Variants in LRP12 observed in about 807,000 individuals in gnomAD.
The protein encoded by LRP12 is LDL receptor related protein 12.
Under a neutral mutation model 66.0 loss-of-function variants are expected in LRP12, and 14 were observed. The ratio of observed to expected loss-of-function variants is 0.21; its 90% CI spans 0.14 to 0.33. LRP12 has a LOEUF of 0.33. Ranked by LOEUF, LRP12 falls within the 10% of genes least tolerant of loss-of-function variation. LRP12 has a pLI of 1.00. For synonymous variants in LRP12, 357 were observed against 359.1 expected (o/e 0.99, Z 0.07); for missense variants, 889 against 1,053.4 (o/e 0.84, Z 2.16).
In LRP12 at chr8:104,588,961, A is replaced by ACGACGCCGACGC. The variant is rs770846647; in HGVS notation, c.-76_-65dup. On this transcript the variant is annotated 5_prime_UTR_variant, in exon 1 of 7. Coordinates refer to ENST00000276654, the MANE Select transcript of LRP12 (RefSeq NM_013437.5). ...AGGAGGGAGGAGAAGCTGGAGGTAG[A>ACGACGCCGACGC]CGACGCCGACGCCGCCGCCGCCGCC... 36 of 972,292 alleles carry ACGACGCCGACGC rather than the reference A, an allele frequency of 3.7e-5. 1 individual carries two copies. The highest frequency in any genetic ancestry group is 5.0e-5 in the Non-Finnish European group (35 of 705,124). 60.2% of individuals were successfully genotyped at this position (972,292 alleles called of 1,614,324 possible). A position where few individuals can be genotyped will look rare whatever the true frequency, so the allele number is the denominator to read the frequency against.
At chr8:104,536,277 A>G (rs1811391460) in intron 1 of LRP12, among the ~76,000 whole-genome samples, 1 of 152,100 alleles carries the variant, frequency 6.6e-6, no homozygotes, top group Admixed American at 6.6e-5. Flanking sequence ...GATTTTCATT[A>G]AACATTATTT....
At position 104,542,544 on chromosome 8, in the gene LRP12, T is replaced by G. The variant is rs188719278; in HGVS notation, c.80-10581A>C. Among the ~76,000 whole-genome samples, 27 of 152,312 alleles carry G rather than the reference T, an allele frequency of 1.8e-4. No homozygotes were observed. In the East Asian group the frequency reaches 4.8e-3, roughly 27 times the overall value. On this transcript the variant is annotated intron_variant, in intron 1 of 6. Coordinates refer to ENST00000276654, the MANE Select transcript of LRP12 (RefSeq NM_013437.5). ...CTATGTCTTCTTTTGATGCTTGTGC[T>G]TTGGTCACAATTTATAATTATACAG... is the stretch of plus-strand genomic sequence containing the variant.
At chr8:104,561,504 T>C (rs1214224087) in intron 1 of LRP12, among the ~76,000 whole-genome samples, 1 of 152,226 alleles carries the variant, frequency 6.6e-6, no homozygotes, top group Non-Finnish European at 1.5e-5. Flanking sequence ...ATCCTGTCAT[T>C]ACTTCCACAT....
At chr8:104,531,266 CTG>C (rs1412600449) in intron 2 of LRP12, among the ~76,000 whole-genome samples, 9 of 152,084 alleles carry the variant, frequency 5.9e-5, no homozygotes, top group Admixed American at 6.6e-5. Context: ...CTCCTAGTAA[CTG>C]TGGTTGACAG....
chr8:104,526,716 A>G (rs1194642434), intron 2 of LRP12, among the ~76,000 whole-genome samples: 1 of 148,760 alleles, frequency 6.7e-6, no homozygotes, highest in Non-Finnish European at 1.5e-5. Flanking sequence ...TTAGACCTAA[A>G]ACCAGAAAAA....
At chr8:104,554,897 G>A (rs1036654159) in intron 1 of LRP12, among the ~76,000 whole-genome samples, 1 of 152,148 alleles carries the variant, frequency 6.6e-6, no homozygotes, top group African/African-American at 2.4e-5. Context: ...AACCTATAAA[G>A]TAAAACCTAT....
chr8:104,495,153 G>C lies in LRP12; in HGVS notation c.1637C>G (p.Pro546Arg). ...AGCAATCAATTGTCCATACGAGGGA[G>C]GAGCTTCTCTTCTTAACAATTCTGC... is the stretch of plus-strand genomic sequence containing the variant. ...VEAELLRREAPPSYGQLIAQG... is the reference protein window; with the variant it reads ...VEAELLRREARPSYGQLIAQG... The change falls in exon 6 of 7, where the codon CCT (proline) becomes CGT (arginine). Residue 546 changes from proline (P) to arginine (R), a missense_variant. Physicochemically the swap from Pro to Arg is moderately radical, Grantham distance 103. This residue lies in a region of LRP12 where 800 missense variants were observed against 964.5 expected (regional missense o/e 0.83). Coordinates refer to ENST00000276654, the MANE Select transcript of LRP12 (RefSeq NM_013437.5). 1 of 1,613,700 alleles carries C rather than the reference G, an allele frequency of 6.2e-7. No homozygotes were observed. Among genetic ancestry groups the C allele is most frequent in the Non-Finnish European group, 8.5e-7 (1 of 1,179,674 alleles).
At chr8:104,529,622 T>A (rs1038505901) in intron 2 of LRP12, among the ~76,000 whole-genome samples, 1 of 152,206 alleles carries the variant, frequency 6.6e-6, no homozygotes, top group Admixed American at 6.5e-5. Context: ...TTTCCAAATT[T>A]TCATAAGTTC....
chr8:104,583,773 CAAAA>C (rs757757711), intron 1 of LRP12, among the ~76,000 whole-genome samples: 1 of 151,986 alleles, frequency 6.6e-6, no homozygotes, highest in Non-Finnish European at 1.5e-5. Context: ...TTCCATAAAA[CAAAA>C]GAAAGAGTAC....
chr8:104,558,403 A>T (rs562286504), intron 1 of LRP12, among the ~76,000 whole-genome samples: 1 of 152,218 alleles, frequency 6.6e-6, no homozygotes, highest in East Asian at 1.9e-4. Context: ...GGGAGGTCAC[A>T]TGTAGAAGAA....
chr8:104,580,638 C>T (rs1812236304), intron 1 of LRP12, among the ~76,000 whole-genome samples: 1 of 152,024 alleles, frequency 6.6e-6, no homozygotes, highest in African/African-American at 2.4e-5. Context: ...GACATGAACA[C>T]TTTTCAAAAA....
At chr8:104,521,333 TATAAC>T (rs998001720) in intron 2 of LRP12, among the ~76,000 whole-genome samples, 69 of 151,654 alleles carry the variant, frequency 4.5e-4, no homozygotes, top group African/African-American at 1.6e-3. Flanking sequence ...AACATAAAAA[TATAAC>T]ATAATTATTT....
At chr8:104,518,472 TG>T (rs1811103225) in intron 2 of LRP12, among the ~76,000 whole-genome samples, 1 of 151,954 alleles carries the variant, frequency 6.6e-6, no homozygotes, top group African/African-American at 2.4e-5. Context: ...CTATAACATC[TG>T]GAAAAATTAC....
chr8:104,552,885 T>G lies in LRP12; in HGVS notation c.80-20922A>C, dbSNP rs1811749819. 3.3e-5 allele frequency among the ~76,000 whole-genome samples: 5 copies of G among 152,184 alleles called. No individual in the cohort carries two copies. In the South Asian group the frequency reaches 8.3e-4, roughly 25 times the overall value. ...TCCTTTGAATGAAGCTGCTTGCTGC[T>G]GCAGGCTCTGTGAGATAGCCAAAAA... On this transcript the variant is annotated intron_variant, in intron 1 of 6. Coordinates refer to ENST00000276654, the MANE Select transcript of LRP12 (RefSeq NM_013437.5).
intron 1 of LRP12, among the ~76,000 whole-genome samples, chr8:104,532,980 C>A (rs1811347682): frequency 6.6e-6 from 1 of 152,064 alleles, no homozygotes; most frequent in African/African-American, 2.4e-5. Flanking sequence ...TAGCATTGAA[C>A]AGGTGTTGAT....
chr8:104,490,183 G>C lies in LRP12; in HGVS notation c.*490C>G, dbSNP rs1281272139. 1 of 151,650 alleles carries C rather than the reference G, an allele frequency of 6.6e-6. No individual in the cohort carries two copies. The highest frequency in any genetic ancestry group is 2.4e-5 in the African/African-American group (1 of 41,190). The allele number at this position is 151,650 out of a possible 1,614,324, so 9.4% of individuals were successfully genotyped here. On this transcript the variant is annotated 3_prime_UTR_variant, in exon 7 of 7. Transcript: ENST00000276654. ...CATATGATAATGAAATCCAATAATA[G>C]ACAAATGTCAAACAAATGAAAACGC...
Position 104,496,994 on chromosome 8 carries a change from A to G in LRP12, c.1558T>C (p.Ser520Pro). 1.3e-6 allele frequency: 2 copies of G among 1,534,380 alleles called. No homozygotes were observed. Among genetic ancestry groups the G allele is most frequent in the Non-Finnish European group, 8.8e-7 (1 of 1,141,728 alleles). The part of the protein sequence containing the change: ...IALGCTCKLY[S>P]LRMFERRSFE... ...GACCTTCTTTCAAACATTCTCAGAG[A>G]ATAAAGCTTACAAGTACATCCCAAT... The change falls in exon 5 of 7, where the codon TCT becomes CCT. Residue 520 changes from serine (S) to proline (P), a missense_variant. This residue lies in a region of LRP12 where 800 missense variants were observed against 964.5 expected (regional missense o/e 0.83). Coordinates refer to ENST00000276654, the MANE Select transcript of LRP12 (RefSeq NM_013437.5).
intron 1 of LRP12, among the ~76,000 whole-genome samples, chr8:104,562,585 A>G (rs927249405): frequency 1.3e-5 from 2 of 152,154 alleles, no homozygotes; most frequent in African/African-American, 4.8e-5. Context: ...TCTTTATTGA[A>G]TATTTGATAA....
chr8:104,528,467 T>C (rs987402726), intron 2 of LRP12, among the ~76,000 whole-genome samples: 11 of 152,098 alleles, frequency 7.2e-5, no homozygotes, highest in Non-Finnish European at 2.9e-5. Flanking sequence ...TATAGCTCCG[T>C]ACTGGCCACA....
Sources: allele counts gnomAD v4.1 joint callset (sites outside exome capture counted in the v4.1 genomes callset), GRCh38; gene constraint gnomAD v4.1.1; regional missense constraint gnomAD v4.1.1; transcripts MANE v1.5; gene names NCBI Gene and HGNC (gene_info 2026-07-23, HGNC 2026-07-21).